Variants in EMP2 observed in about 807,000 individuals in gnomAD.
The protein encoded by EMP2 is epithelial membrane protein 2.
In EMP2, 19 loss-of-function variants were observed where a neutral mutation model predicts 13.7. That is an observed-to-expected ratio of 1.38 (90% confidence interval 0.97 to 2.03). The LOEUF (loss-of-function observed/expected upper bound fraction) is 2.03. Among genes scored for constraint, EMP2 ranks in the 30% most tolerant of loss-of-function variants. EMP2 has a pLI of 0.00. For missense variants in EMP2, 253 were observed against 220.7 expected, an observed-to-expected ratio of 1.15 and a Z score of -0.93; for synonymous variants, 97 against 84.7, an observed-to-expected ratio of 1.15 and a Z score of -0.80.
rs749960492 is a variant in EMP2, at chr16:10,533,027, C to T, written c.382G>A (p.Ala128Thr). The change falls in exon 5 of 5, where the codon GCG (alanine) becomes ACG (threonine). Residue 128 changes from alanine to threonine, a missense_variant. Ala to Thr is a moderately conservative substitution (Grantham distance 58). Transcript: ENST00000359543. ...DRREDIHDKN[A>T]KFYPVTREGS... ...TCTCTGGTCACGGGATAGAATTTCG[C>T]GTTTTTGTCGTGAATGTCTTCACGC... 54 of 1,610,844 alleles carry T rather than the reference C, an allele frequency of 3.4e-5. No homozygotes were observed. The highest frequency in any genetic ancestry group is 4.2e-5 in the Non-Finnish European group (49 of 1,178,606).
intron 3 of EMP2, among the ~76,000 whole-genome samples, chr16:10,539,605 C>G (rs1232273805): frequency 2.6e-5 from 4 of 152,114 alleles, no homozygotes; most frequent in Admixed American, 1.3e-4. Flanking sequence ...TGGCAATGTT[C>G]TCTGTCTTCT....
intron 1 of EMP2, among the ~76,000 whole-genome samples, chr16:10,572,985 A>T (rs902136828): frequency 6.6e-6 from 1 of 152,164 alleles, no homozygotes; most frequent in Non-Finnish European, 1.5e-5. Flanking sequence ...CATCAGTTCT[A>T]TGAGAGAAAC....
At chr16:10,536,378 CAT>C in intron 4 of EMP2, among the ~76,000 whole-genome samples, 1 of 152,154 alleles carries the variant, frequency 6.6e-6, no homozygotes, top group Admixed American at 6.5e-5. Context: ...ATAATCCCCA[CAT>C]GTCAAGGACG....
At chr16:10,575,075 T>A (rs567268206) in intron 1 of EMP2, among the ~76,000 whole-genome samples, 1 of 151,842 alleles carries the variant, frequency 6.6e-6, no homozygotes, top group East Asian at 1.9e-4. Context: ...CTCTCACTGT[T>A]CCTTGTTGCC....
chr16:10,532,836 G>T lies in EMP2; in HGVS notation c.*69C>A. 3 of 920,216 alleles carry T rather than the reference G, an allele frequency of 3.3e-6. No homozygotes were observed. Among genetic ancestry groups the T allele is most frequent in the Middle Eastern group, 5.8e-4 (1 of 1,718 alleles). 57.0% of individuals were successfully genotyped at this position (920,216 alleles called of 1,614,324 possible). Reference sequence around the variant, plus strand: ...TGCTAGAAAAACCTCAAAAAATAATGATTATATACAAAATGGTTATCTGAA... The same window carrying T: ...TGCTAGAAAAACCTCAAAAAATAATTATTATATACAAAATGGTTATCTGAA... On this transcript the variant is annotated 3_prime_UTR_variant, in exon 5 of 5. Coordinates refer to ENST00000359543, the MANE Select transcript of EMP2 (RefSeq NM_001424.6).
At chr16:10,545,035 G>T (rs1037285382) in intron 2 of EMP2, 1 of 152,200 alleles carries the variant, frequency 6.6e-6, no homozygotes, top group Admixed American at 6.5e-5. Context: ...CAGTTGCCAA[G>T]CACAATTCCA....
At chr16:10,551,293 G>A (rs1341569530) in intron 1 of EMP2, among the ~76,000 whole-genome samples, 2 of 152,152 alleles carry the variant, frequency 1.3e-5, no homozygotes, top group African/African-American at 2.4e-5. Context: ...GTGTTTCAAA[G>A]GTCCATCCAT....
intron 4 of EMP2, among the ~76,000 whole-genome samples, chr16:10,537,357 A>T (rs1007787676): frequency 6.6e-6 from 1 of 152,192 alleles, no homozygotes; most frequent in Non-Finnish European, 1.5e-5. Flanking sequence ...GAGCCCCTGC[A>T]GCCAGCACAG....
At chr16:10,546,743 C>G (rs764376670) in intron 2 of EMP2, 1 of 152,248 alleles carries the variant, frequency 6.6e-6, no homozygotes, top group Non-Finnish European at 1.5e-5. Context: ...GCTACTGCAT[C>G]TAGCAGATAA....
intron 1 of EMP2, among the ~76,000 whole-genome samples, chr16:10,549,601 CA>C (rs1229317008): frequency 2.0e-5 from 3 of 151,638 alleles, no homozygotes; most frequent in African/African-American, 7.3e-5. Context: ...ATAGTTACTA[CA>C]TTTTTTTGGA....
chr16:10,533,092 C>A lies in EMP2; in HGVS notation c.317G>T (p.Cys106Phe). Residue 106 changes from cysteine to phenylalanine, a missense_variant and splice_region_variant, in exon 5 of 5, where the codon TGT (cysteine) becomes TTT (phenylalanine). Physicochemically the swap from Cys to Phe is radical, Grantham distance 205. Coordinates refer to ENST00000359543, the MANE Select transcript of EMP2 (RefSeq NM_001424.6). Reference sequence around the variant, plus strand: ...GGAGGCCGCAATCATGACACACAGACCTGTCAGGAAGAAAGGTGAATTTTC... The same window carrying A: ...GGAGGCCGCAATCATGACACACAGAACTGTCAGGAAGAAAGGTGAATTTTC... ...VLTSIIQLMS[C>F]LCVMIAASIY... The A allele has an allele frequency of 1.9e-6, 3 of 1,560,192 alleles. No individual in the cohort carries two copies. The South Asian group carries it at 3.6e-5, about 19-fold the overall frequency.
At chr16:10,547,729 T>A in intron 1 of EMP2, 52 bp from the exon 2 acceptor site, 1 of 1,091,568 alleles carries the variant, frequency 9.2e-7, no homozygotes, top group Non-Finnish European at 1.3e-6. Flanking sequence ...CAAAACAAAA[T>A]TACAATAAAA....
At chr16:10,557,463 G>C (rs1233106453) in intron 1 of EMP2, among the ~76,000 whole-genome samples, 1 of 152,062 alleles carries the variant, frequency 6.6e-6, no homozygotes, top group African/African-American at 2.4e-5. Context: ...AAGCTGAAGC[G>C]CTTGCTGTCT....
chr16:10,562,374 CTCTCTCTATCTA>C (rs1209261109), intron 1 of EMP2, among the ~76,000 whole-genome samples: 33 of 142,864 alleles, frequency 2.3e-4, no homozygotes, highest in African/African-American at 8.0e-4. Context: ...CTCTCTCTCT[CTCTCTCTATCTA>C]TCTCTCTCTC....
At chr16:10,547,792 T>C (rs1324068009) in intron 1 of EMP2, 115 bp from the exon 2 acceptor site, 1 of 608,618 alleles carries the variant, frequency 1.6e-6, no homozygotes, top group Non-Finnish European at 2.8e-6. Context: ...TCCTGGAACT[T>C]TGGGAGAAGG....
At chr16:10,543,698 G>A (rs147676452) in intron 2 of EMP2, 38 bp from the exon 3 acceptor site, 858 of 1,597,966 alleles carry the variant, frequency 5.4e-4, no homozygotes, top group Admixed American at 6.7e-4. Flanking sequence ...AAGGCCGTCC[G>A]TTCATGATGC....
intron 1 of EMP2, among the ~76,000 whole-genome samples, chr16:10,568,009 C>T (rs2050920519): frequency 6.6e-6 from 1 of 152,218 alleles, no homozygotes; most frequent in African/African-American, 2.4e-5. Flanking sequence ...CCCTTCACCA[C>T]CGTCTTGCCT....
chr16:10,558,502 TGTGTC>T (rs1255636000), intron 1 of EMP2, among the ~76,000 whole-genome samples: 2 of 136,036 alleles, frequency 1.5e-5, no homozygotes, highest in African/African-American at 6.0e-5. Context: ...TGTGTGTGTG[TGTGTC>T]GCACGTCTAG....
At chr16:10,548,998 G>T (rs2050761342) in intron 1 of EMP2, among the ~76,000 whole-genome samples, 1 of 152,138 alleles carries the variant, frequency 6.6e-6, no homozygotes, top group African/African-American at 2.4e-5. Context: ...GGCCAGAACT[G>T]CATGACATGG....
Sources: gnomAD v4.1 joint callset for allele counts (sites outside exome capture counted in the v4.1 genomes callset) on GRCh38, gnomAD v4.1.1 for gene constraint, MANE v1.5 for transcripts, NCBI Gene and HGNC (gene_info 2026-07-23, HGNC 2026-07-21) for gene names.